The following NFIA variants were observed in gnomAD, a reference collection of about 807,000 sequenced individuals.
The protein encoded by NFIA is nuclear factor I A, also known as nuclear factor 1 A-type.
Under a neutral mutation model 62.8 loss-of-function variants are expected in NFIA, and 8 were observed. The ratio of observed to expected loss-of-function variants is 0.13; its 90% CI spans 0.07 to 0.23. The LOEUF (loss-of-function observed/expected upper bound fraction) is 0.23, where lower values mean the gene tolerates loss of function less well. Among genes scored for constraint, NFIA ranks in the 10% least tolerant of loss-of-function variants. The probability of loss-of-function intolerance (pLI) is 1.00; values close to 1 mark genes in which losing one functional copy is unlikely to be tolerated. For missense variants in NFIA, 410 were observed against 642.1 expected (o/e 0.64, Z 3.91); for synonymous variants, 235 against 238.1 (o/e 0.99, Z 0.12).
At chr1:61,165,251 A>G (rs962224357) in intron 2 of NFIA, among the ~76,000 whole-genome samples, 8 of 152,196 alleles carry the variant, frequency 5.3e-5, no homozygotes, top group African/African-American at 1.9e-4. Flanking sequence ...TTTTATTCTG[A>G]GATAAATGCC....
chr1:61,385,058 C>G (rs921076423), intron 7 of NFIA, among the ~76,000 whole-genome samples: 11 of 151,940 alleles, frequency 7.2e-5, no homozygotes, highest in African/African-American at 2.7e-4. Context: ...ATGGTGAAAC[C>G]CCATCTCTAC....
Position 61,393,238 on chromosome 1 carries a change from CCTCTCCCT to C in NFIA, c.1075+9879_1075+9886del, listed in dbSNP as rs1489230190. ...TGTGGAATGGTTTCTTCTGCCTCGC[CCTCTCCCT>C]CTCTCTCTCTCTCTCTCTCTCTCTC... On this transcript the variant is annotated intron_variant, in intron 7 of 10. Transcript: ENST00000403491. Among the ~76,000 whole-genome samples, 7 of 40,884 alleles carry C rather than the reference CCTCTCCCT, an allele frequency of 1.7e-4. 2 individuals are homozygous for C. The highest frequency in any genetic ancestry group is 2.6e-4 in the Non-Finnish European group (7 of 27,174). 26.8% of individuals were successfully genotyped at this position (40,884 alleles called of 152,430 possible).
rs370295534 is a variant in NFIA at position 61,364,246 on chromosome 1, C to T, written c.946+4972C>T. ...CCAGTGTGAGCCCACCACGCCAGGC[C>T]ATCTCTCTGCTATTATTGTCTGTTT... On this transcript the variant is annotated intron_variant, in intron 6 of 10. Transcript: ENST00000403491. Among the ~76,000 whole-genome samples the T allele has an allele frequency of 5.9e-5, 9 of 152,176 alleles. No homozygotes were observed. In the East Asian group the frequency reaches 1.2e-3, roughly 20 times the overall value.
intron 2 of NFIA, among the ~76,000 whole-genome samples, chr1:61,116,614 A>G (rs528514281): frequency 6.6e-6 from 1 of 152,234 alleles, no homozygotes; most frequent in Non-Finnish European, 1.5e-5. Flanking sequence ...AGAATGTTTC[A>G]TCAGCAAAGT....
chr1:61,131,141 T>TAA (rs1169926910), intron 2 of NFIA, among the ~76,000 whole-genome samples: 1 of 149,268 alleles, frequency 6.7e-6, no homozygotes, highest in Non-Finnish European at 1.5e-5. Context: ...ACATTTCTTT[T>TAA]AAAAAAAATA....
At chr1:61,379,115 A>G (rs1301077724) in intron 6 of NFIA, among the ~76,000 whole-genome samples, 1 of 152,206 alleles carries the variant, frequency 6.6e-6, no homozygotes, top group African/African-American at 2.4e-5. Context: ...AATATAACCT[A>G]TTCACAAGAA....
chr1:61,169,680 AGC>A (rs1226428993), intron 2 of NFIA, among the ~76,000 whole-genome samples: 2 of 152,216 alleles, frequency 1.3e-5, no homozygotes, highest in African/African-American at 4.8e-5. Flanking sequence ...TACTGGGGAA[AGC>A]GAACGGTTTA....
At chr1:61,183,257 C>T (rs10889210) in intron 2 of NFIA, among the ~76,000 whole-genome samples, 40,698 of 151,974 alleles carry the variant, frequency 0.27, 6,255 homozygotes, top group East Asian at 0.47. Flanking sequence ...TATAGAATAC[C>T]TAGGGATGGG....
At chr1:61,085,461 C>A (rs1429157722) in intron 1 of NFIA, among the ~76,000 whole-genome samples, 1 of 152,092 alleles carries the variant, frequency 6.6e-6, no homozygotes, top group African/African-American at 2.4e-5. Flanking sequence ...CTATAACTTT[C>A]TCACTGAGTA....
intron 2 of NFIA, among the ~76,000 whole-genome samples, chr1:61,208,346 AGTG>A (rs1653029751): frequency 6.6e-6 from 1 of 152,216 alleles, no homozygotes; most frequent in Admixed American, 6.5e-5. Flanking sequence ...TGCCAGGCAG[AGTG>A]AGCTCAGAAG....
intron 3 of NFIA, among the ~76,000 whole-genome samples, chr1:61,285,334 A>C (rs1658417939): frequency 6.6e-6 from 1 of 152,166 alleles, no homozygotes; most frequent in Non-Finnish European, 1.5e-5. Context: ...CCTTGCCACA[A>C]ATAATAGGGT....
At chr1:61,084,457 TC>T (rs1424779038) in intron 1 of NFIA, among the ~76,000 whole-genome samples, 2 of 152,120 alleles carry the variant, frequency 1.3e-5, no homozygotes, top group Non-Finnish European at 2.9e-5. Context: ...CTTCCAAAGT[TC>T]CTATTTTAGT....
At chr1:61,418,074 A>G (rs568625613) in intron 9 of NFIA, among the ~76,000 whole-genome samples, 2 of 152,310 alleles carry the variant, frequency 1.3e-5, no homozygotes, top group Non-Finnish European at 2.9e-5. Context: ...TCTATTTACT[A>G]TGTTGCACTG....
rs150964602 is a variant in NFIA, at chr1:61,455,647, C to T, written c.*327C>T. ...GGTGACGTGGCTAGCGGAGGACTAC[C>T]CTTGCTCACTGACTTCCTGTTGTAA... On this transcript the variant is annotated 3_prime_UTR_variant, in exon 11 of 11. Coordinates refer to ENST00000403491, the MANE Select transcript of NFIA (RefSeq NM_001134673.4). The T allele has an allele frequency of 8.2e-4, 329 of 400,810 alleles. No homozygotes were observed. Among genetic ancestry groups the T allele is most frequent in the African/African-American group, 5.6e-3 (270 of 48,198 alleles). 24.8% of individuals were successfully genotyped at this position (400,810 alleles called of 1,614,324 possible).
intron 10 of NFIA, 102 bp downstream of exon 10, chr1:61,426,658 G>A (rs1305347146): frequency 2.3e-6 from 2 of 855,200 alleles, no homozygotes; most frequent in African/African-American, 1.7e-5. Flanking sequence ...TCCAGACCCT[G>A]TCCAGTCTTC....
chr1:61,331,479 GATTGTTAT>G (rs1374012801), intron 3 of NFIA, among the ~76,000 whole-genome samples: 2 of 152,148 alleles, frequency 1.3e-5, no homozygotes, highest in African/African-American at 4.8e-5. Flanking sequence ...TTTGTTTATG[GATTGTTAT>G]ATATTCAGAT....
intron 3 of NFIA, among the ~76,000 whole-genome samples, chr1:61,312,957 T>C (rs1334325354): frequency 6.6e-6 from 1 of 152,258 alleles, no homozygotes; most frequent in Non-Finnish European, 1.5e-5. Flanking sequence ...TTTTAATTTG[T>C]TCTTTCCCAC....
At chr1:61,250,507 A>G (rs1179150217) in intron 2 of NFIA, among the ~76,000 whole-genome samples, 1 of 152,214 alleles carries the variant, frequency 6.6e-6, no homozygotes, top group Non-Finnish European at 1.5e-5. Flanking sequence ...GGTATGTGTC[A>G]TGAATATAAT....
chr1:61,455,562 G>T lies in NFIA; in HGVS notation c.*242G>T. On this transcript the variant is annotated 3_prime_UTR_variant, in exon 11 of 11. Coordinates refer to ENST00000403491, the MANE Select transcript of NFIA (RefSeq NM_001134673.4). ...AGGGACTGTTGTAATTTCTCATATGGTGCTGGAAATGGTTGGGCTTTGTAA... is the reference window on the plus strand; with the variant it reads ...AGGGACTGTTGTAATTTCTCATATGTTGCTGGAAATGGTTGGGCTTTGTAA... The T allele has an allele frequency of 1.7e-6, 1 of 573,284 alleles. No homozygotes were observed. Among genetic ancestry groups the T allele is most frequent in the Non-Finnish European group, 3.0e-6 (1 of 333,270 alleles). The allele number at this position is 573,284 out of a possible 1,614,324, so 35.5% of individuals were successfully genotyped here.
Sources: gnomAD v4.1 joint callset for allele counts (sites outside exome capture counted in the v4.1 genomes callset) on GRCh38, gnomAD v4.1.1 for gene constraint, MANE v1.5 for transcripts, NCBI Gene and HGNC (gene_info 2026-07-23, HGNC 2026-07-21) for gene names.